Variants in NALF1 observed in about 807,000 individuals in gnomAD.
The protein encoded by NALF1 is NALCN channel auxiliary factor 1, also known as family with sequence similarity 155 member A.
Under a neutral mutation model 48.4 loss-of-function variants are expected in NALF1, and 3 were observed. That is an observed-to-expected ratio of 0.06 (90% confidence interval 0.03 to 0.16). The LOEUF is 0.16. Ranked by LOEUF, NALF1 falls within the 10% of genes least tolerant of loss-of-function variation. The pLI, the probability that NALF1 is intolerant of heterozygous loss-of-function variation, is 1.00. For missense variants in NALF1, 526 were observed against 571.5 expected, an observed-to-expected ratio of 0.92 and a Z score of 0.81; for synonymous variants, 262 against 245.7, an observed-to-expected ratio of 1.07 and a Z score of -0.62.
At chr13:107,684,401 G>A (rs1881381383) in intron 1 of NALF1, among the ~76,000 whole-genome samples, 1 of 152,174 alleles carries the variant, frequency 6.6e-6, no homozygotes, top group African/African-American at 2.4e-5. Context: ...GAGGATCTCA[G>A]TCTCACATTT....
intron 1 of NALF1, among the ~76,000 whole-genome samples, chr13:107,612,022 G>A (rs886151490): frequency 6.6e-5 from 9 of 135,492 alleles, no homozygotes; most frequent in Non-Finnish European, 1.4e-4. Flanking sequence ...AAGAGAGAGA[G>A]AAAGAAAGAG....
At chr13:107,553,296 T>C (rs370511734) in intron 1 of NALF1, among the ~76,000 whole-genome samples, 10 of 152,322 alleles carry the variant, frequency 6.6e-5, no homozygotes, top group South Asian at 4.1e-4. Flanking sequence ...CACATTTTTG[T>C]TATGTCTTGA....
chr13:107,281,918 C>T (rs767688317), intron 1 of NALF1, among the ~76,000 whole-genome samples: 12 of 152,072 alleles, frequency 7.9e-5, no homozygotes, highest in Non-Finnish European at 1.6e-4. Flanking sequence ...GGAAACCACC[C>T]CCATGATTCA....
intron 1 of NALF1, among the ~76,000 whole-genome samples, chr13:107,421,832 G>A (rs1278801352): frequency 6.6e-6 from 1 of 152,116 alleles, no homozygotes; most frequent in Non-Finnish European, 1.5e-5. Context: ...GTTCCAGGAT[G>A]GCATAAAAGG....
chr13:107,586,635 A>ATTTTT lies in NALF1; in HGVS notation c.915+279042_915+279046dup, dbSNP rs61429641. On this transcript the variant is annotated intron_variant, in intron 1 of 2. Coordinates refer to ENST00000375915, the MANE Select transcript of NALF1 (RefSeq NM_001080396.3). ...CTACATTTAAAGCTCCCCTATGGAG[A>ATTTTT]TTTTTTTTTTTTTTGCTAGGAATGA... is the stretch of plus-strand genomic sequence containing the variant. 1.7e-3 allele frequency among the ~76,000 whole-genome samples: 162 copies of ATTTTT among 93,106 alleles called. 14 individuals carry two copies. In the Middle Eastern group the frequency reaches 0.02, roughly 11 times the overall value. The allele number at this position is 93,106 out of a possible 152,430, so 61.1% of individuals were successfully genotyped here.
At chr13:107,355,727 C>A (rs780547972) in intron 1 of NALF1, among the ~76,000 whole-genome samples, 2 of 152,096 alleles carry the variant, frequency 1.3e-5, no homozygotes, top group Non-Finnish European at 2.9e-5. Context: ...GAGGCCTCCC[C>A]AGCCATGCTT....
chr13:107,293,239 C>T (rs905442573), intron 1 of NALF1, among the ~76,000 whole-genome samples: 2 of 151,968 alleles, frequency 1.3e-5, no homozygotes, highest in Non-Finnish European at 2.9e-5. Flanking sequence ...CTTGGCCTCC[C>T]GAAGTGCTAG....
intron 1 of NALF1, among the ~76,000 whole-genome samples, chr13:107,411,198 GGTT>G (rs1368043326): frequency 6.6e-6 from 1 of 152,106 alleles, no homozygotes; most frequent in African/African-American, 2.4e-5. Flanking sequence ...GTTTAAGAAA[GGTT>G]GTGGATTTTT....
intron 1 of NALF1, among the ~76,000 whole-genome samples, chr13:107,269,903 C>T (rs12877240): frequency 0.26 from 37,377 of 145,024 alleles, 5,790 homozygotes; most frequent in East Asian, 0.52. Context: ...CCCACCACCA[C>T]GCCCGGCTAA....
At chr13:107,651,088 A>AT (rs1880440221) in intron 1 of NALF1, among the ~76,000 whole-genome samples, 1 of 151,240 alleles carries the variant, frequency 6.6e-6, no homozygotes, top group African/African-American at 2.4e-5. Flanking sequence ...AGGTTAAAAA[A>AT]ATAAAGAATT....
intron 1 of NALF1, among the ~76,000 whole-genome samples, chr13:107,330,414 T>C (rs1882447203): frequency 1.3e-5 from 2 of 152,222 alleles, no homozygotes; most frequent in African/African-American, 4.8e-5. Context: ...GGTCTTATTA[T>C]GAAATTGTGG....
intron 1 of NALF1, among the ~76,000 whole-genome samples, chr13:107,371,424 T>G (rs892256290): frequency 6.6e-6 from 1 of 151,690 alleles, no homozygotes; most frequent in African/African-American, 2.4e-5. Context: ...TCAGCCTATG[T>G]AAGAGAGTGA....
intron 2 of NALF1, among the ~76,000 whole-genome samples, chr13:107,195,494 C>T (rs7330945): frequency 7.2e-5 from 11 of 152,122 alleles, no homozygotes; most frequent in Non-Finnish European, 1.5e-4. Context: ...CGCCTTTTCA[C>T]GTCTGTAAGT....
At chr13:107,472,492 G>T (rs1351070151) in intron 1 of NALF1, among the ~76,000 whole-genome samples, 1 of 152,078 alleles carries the variant, frequency 6.6e-6, no homozygotes, top group Non-Finnish European at 1.5e-5. Flanking sequence ...GACTGGGAGA[G>T]GCAGACCCAC....
At chr13:107,584,776 A>G (rs16970756) in intron 1 of NALF1, among the ~76,000 whole-genome samples, 51,554 of 152,046 alleles carry the variant, frequency 0.34, 9,351 homozygotes, top group African/African-American at 0.46. Context: ...GCCTCACTCC[A>G]CGTGAAGCCC....
chr13:107,344,019 C>T (rs988582160), intron 1 of NALF1, among the ~76,000 whole-genome samples: 12 of 151,620 alleles, frequency 7.9e-5, no homozygotes, highest in Admixed American at 2.6e-4. Flanking sequence ...TGAGACATCA[C>T]AATTGGTGCC....
At chr13:107,726,290 T>A (rs1306789975) in intron 1 of NALF1, among the ~76,000 whole-genome samples, 2 of 152,220 alleles carry the variant, frequency 1.3e-5, no homozygotes, top group Non-Finnish European at 2.9e-5. Flanking sequence ...CCAAATAGGT[T>A]AGCCAGAAAC....
At chr13:107,289,726 T>G (rs559424208) in intron 1 of NALF1, among the ~76,000 whole-genome samples, 1 of 152,274 alleles carries the variant, frequency 6.6e-6, no homozygotes, top group East Asian at 1.9e-4. Flanking sequence ...GAGAGCCATT[T>G]GGGGATAAAA....
chr13:107,380,353 A>C (rs1229999092), intron 1 of NALF1, among the ~76,000 whole-genome samples: 10 of 152,332 alleles, frequency 6.6e-5, no homozygotes, highest in African/African-American at 1.9e-4. Context: ...AGAAATCATA[A>C]GGCTTTATAT....
Sources: gnomAD v4.1 joint callset for allele counts (sites outside exome capture counted in the v4.1 genomes callset) on GRCh38, gnomAD v4.1.1 for gene constraint, MANE v1.5 for transcripts, NCBI Gene and HGNC (gene_info 2026-07-23, HGNC 2026-07-21) for gene names.